Variants in RWDD2B observed in about 807,000 individuals in gnomAD.
RWDD2B encodes the protein RWD domain-containing protein 2B.
RWDD2B carries 36 observed loss-of-function variants against 33.6 expected under a neutral mutation model. That is an observed-to-expected ratio of 1.07 (90% CI 0.82 to 1.42). The LOEUF is 1.42. Ranked by LOEUF, RWDD2B falls within the 40% of genes most tolerant of loss-of-function variation. The pLI is 0.00. For synonymous variants in RWDD2B, 126 were observed against 133.1 expected, an observed-to-expected ratio of 0.95 and a Z score of 0.37; for missense variants, 364 against 377.5, an observed-to-expected ratio of 0.96 and a Z score of 0.30.
At chr21:29,011,585 G>A (rs2084860200) in intron 1 of RWDD2B, among the ~76,000 whole-genome samples, 1 of 140,944 alleles carries the variant, frequency 7.1e-6, no homozygotes, top group African/African-American at 2.7e-5. Context: ...CCGGGAGGGA[G>A]GTGGGGGGGG....
intron 1 of RWDD2B, among the ~76,000 whole-genome samples, chr21:29,018,794 C>G (rs2084901720): frequency 6.6e-6 from 1 of 152,176 alleles, no homozygotes; most frequent in African/African-American, 2.4e-5. Flanking sequence ...AGTTCAAGAT[C>G]AGCCTGGGTA....
intron 1 of RWDD2B, among the ~76,000 whole-genome samples, chr21:29,012,528 T>A (rs2084869500): frequency 6.6e-6 from 1 of 151,798 alleles, no homozygotes; most frequent in Non-Finnish European, 1.5e-5. Context: ...TTGAATGGAT[T>A]AAGGGCGGTG....
intron 1 of RWDD2B, among the ~76,000 whole-genome samples, chr21:29,010,583 GGCAAAAA>G (rs1314745987): frequency 1.7e-5 from 1 of 59,652 alleles, no homozygotes; most frequent in Non-Finnish European, 3.5e-5. Flanking sequence ...CTCCAGCCTG[GGCAAAAA>G]GAGTGAAACT....
rs780663500 is a variant in RWDD2B, at chr21:29,007,945, G to A, written c.541C>T (p.Gln181Ter). 8 of 1,614,062 alleles carry A rather than the reference G, an allele frequency of 5.0e-6. No homozygotes were observed. The African/African-American group carries it at 5.3e-5, about 11-fold the overall frequency. Residue 181 changes from glutamine (Q) to a stop codon, truncating the protein, a stop_gained, in exon 4 of 5, where the codon CAG (glutamine) becomes TAG (stop). Coordinates refer to ENST00000493196, the MANE Select transcript of RWDD2B (RefSeq NM_016940.3). LOFTEE classifies it high-confidence loss of function. ...SSSPTTGSTV[Q>*]SVDLIFTRLW... is the part of the protein sequence containing the mutation. ...CTCGTGAAGATGAGGTCAACTGACT[G>A]GACTGTGCTTCCTGTGGTGGGTGAA...
At position 29,007,597 on chromosome 21, in the gene RWDD2B, G is replaced by A. The variant is rs572329125; in HGVS notation, c.725+164C>T. 4.6e-5 allele frequency among the ~76,000 whole-genome samples: 7 copies of A among 152,270 alleles called. No homozygotes were observed. In the South Asian group the frequency reaches 8.3e-4, roughly 18 times the overall value. ...TGATATTCAATAGTGGGAAGATCAA[G>A]TGCCATATATCAGGTTTCTATATGT... is the stretch of plus-strand genomic sequence containing the variant. On this transcript the variant is annotated intron_variant, in intron 4 of 4. Transcript: ENST00000493196.
At chr21:29,007,609 A>T (rs1306520325) in intron 4 of RWDD2B, 152 bp downstream of exon 4, 7 of 721,878 alleles carry the variant, frequency 9.7e-6, no homozygotes. Flanking sequence ...GCCATATATC[A>T]GGTTTCTATA....
chr21:29,018,032 G>T (rs1398522619), intron 1 of RWDD2B, among the ~76,000 whole-genome samples: 1 of 152,184 alleles, frequency 6.6e-6, no homozygotes, highest in Non-Finnish European at 1.5e-5. Context: ...GACTTATGAA[G>T]ATCCCCACAC....
chr21:29,010,614 T>TAA (rs1460742730), intron 1 of RWDD2B, among the ~76,000 whole-genome samples: 1 of 113,352 alleles, frequency 8.8e-6, no homozygotes, highest in African/African-American at 4.2e-5. Context: ...TCTCAAAAAA[T>TAA]AAAAATAAAA....
In RWDD2B at chr21:29,006,484, T is replaced by C. The variant is rs371354629; in HGVS notation, c.893A>G (p.Tyr298Cys). 6.8e-6 allele frequency: 11 copies of C among 1,614,150 alleles called. No individual in the cohort carries two copies. The highest frequency in any genetic ancestry group is 2.2e-5 in the East Asian group (1 of 44,870). ...ACATCCTTTGGTGTTTAAGAACTGA[T>C]AGAGCTGACCAAAGTCCATGTGGTT... The part of the protein sequence containing the change: ...RGNHMDFGQL[Y>C]QFLNTKGCGD... The change falls in exon 5 of 5, where the codon TAT (tyrosine) becomes TGT (cysteine). Residue 298 changes from tyrosine (Y) to cysteine (C), a missense_variant. Transcript: ENST00000493196.
At chr21:29,010,014 T>C (rs2084848846) in intron 1 of RWDD2B, among the ~76,000 whole-genome samples, 1 of 152,206 alleles carries the variant, frequency 6.6e-6, no homozygotes, top group African/African-American at 2.4e-5. Context: ...TACTGAATCA[T>C]GTAGATATGC....
At chr21:29,018,710 G>A (rs1354222065) in intron 1 of RWDD2B, among the ~76,000 whole-genome samples, 1 of 152,184 alleles carries the variant, frequency 6.6e-6, no homozygotes, top group Non-Finnish European at 1.5e-5. Flanking sequence ...ATAGACTGTG[G>A]CCGGGCGCGA....
At chr21:29,015,590 C>T (rs1333698483) in intron 1 of RWDD2B, among the ~76,000 whole-genome samples, 3 of 141,654 alleles carry the variant, frequency 2.1e-5, no homozygotes, top group Non-Finnish European at 1.5e-5. Flanking sequence ...AGTGCAATGG[C>T]ACAATCTTGG....
intron 1 of RWDD2B, among the ~76,000 whole-genome samples, chr21:29,015,944 AG>A (rs1432968298): frequency 6.6e-6 from 1 of 152,180 alleles, no homozygotes; most frequent in African/African-American, 2.4e-5. Flanking sequence ...AATTTCCAAG[AG>A]GGGTGTTCAG....
chr21:29,014,833 T>A (rs2084882019), intron 1 of RWDD2B, among the ~76,000 whole-genome samples: 1 of 152,000 alleles, frequency 6.6e-6, no homozygotes, highest in Admixed American at 6.6e-5. Context: ...AATAAAAAAA[T>A]AAAAATAAAT....
chr21:29,014,326 T>C (rs1381670095), intron 1 of RWDD2B, among the ~76,000 whole-genome samples: 1 of 152,262 alleles, frequency 6.6e-6, no homozygotes, highest in Non-Finnish European at 1.5e-5. Context: ...GGGAACTTTT[T>C]CAACCCTGCC....
At chr21:29,011,227 G>A (rs1182067108) in intron 1 of RWDD2B, among the ~76,000 whole-genome samples, 3 of 151,282 alleles carry the variant, frequency 2.0e-5, no homozygotes, top group African/African-American at 4.9e-5. Flanking sequence ...AGTGAGGAGC[G>A]CCTCTTCCCA....
At chr21:29,010,621 A>T (rs1304317922) in intron 1 of RWDD2B, among the ~76,000 whole-genome samples, 10 of 90,756 alleles carry the variant, frequency 1.1e-4, no homozygotes, top group African/African-American at 3.7e-4. Context: ...AAATAAAAAT[A>T]AAAAAAAAAA....
intron 1 of RWDD2B, chr21:29,009,591 T>C (rs1168173159): frequency 6.6e-6 from 1 of 151,308 alleles, no homozygotes; most frequent in African/African-American, 2.4e-5. Flanking sequence ...AGATGGGGTT[T>C]CACCGTGTTA....
intron 1 of RWDD2B, among the ~76,000 whole-genome samples, chr21:29,010,685 C>G (rs973251740): frequency 1.3e-5 from 2 of 151,484 alleles, no homozygotes; most frequent in Non-Finnish European, 2.9e-5. Flanking sequence ...GTCTCCCTCT[C>G]CCTCTCTTTC....
Sources: allele counts gnomAD v4.1 joint callset (sites outside exome capture counted in the v4.1 genomes callset), GRCh38; gene constraint gnomAD v4.1.1; transcripts MANE v1.5; gene names NCBI Gene and HGNC (gene_info 2026-07-23, HGNC 2026-07-21).